The following SOS2 variants were observed in gnomAD, a reference collection of about 807,000 sequenced individuals.
SOS2 encodes the protein SOS Ras/Rho guanine nucleotide exchange factor 2, also known as son of sevenless homolog 2.
SOS2 carries 65 observed loss-of-function variants against 148.2 expected under a neutral mutation model. The observed-to-expected ratio is 0.44, with a 90% CI of 0.36 to 0.54. The LOEUF is 0.54. SOS2 is among the 20% of genes least tolerant of loss of function. SOS2 has a pLI of 0.00. For missense variants in SOS2, 1,341 were observed against 1,590.2 expected, an observed-to-expected ratio of 0.84 and a Z score of 2.67; for synonymous variants, 539 against 537.1, an observed-to-expected ratio of 1.00 and a Z score of -0.05.
intron 16 of SOS2, among the ~76,000 whole-genome samples, chr14:50,143,600 CCTGA>C (rs979474830): frequency 7.2e-5 from 11 of 151,976 alleles, no homozygotes; most frequent in Non-Finnish European, 1.2e-4. Context: ...TACCACCATG[CCTGA>C]CTAATTTTTG....
chr14:50,194,757 G>A (rs1260256739), intron 4 of SOS2, among the ~76,000 whole-genome samples: 2 of 149,880 alleles, frequency 1.3e-5, no homozygotes, highest in Non-Finnish European at 3.0e-5. Flanking sequence ...CATACTGGGT[G>A]ACAGAGCAAG....
At chr14:50,163,541 T>C (rs1322587820) in intron 8 of SOS2, among the ~76,000 whole-genome samples, 1 of 152,192 alleles carries the variant, frequency 6.6e-6, no homozygotes, top group Non-Finnish European at 1.5e-5. Context: ...ATGACTATTA[T>C]TAGAAGTAAT....
chr14:50,184,176 T>C (rs554012083), intron 5 of SOS2, among the ~76,000 whole-genome samples: 1 of 152,344 alleles, frequency 6.6e-6, no homozygotes, highest in South Asian at 2.1e-4. Flanking sequence ...ATGTGGCAGA[T>C]AGCCATATAT....
chr14:50,121,307 C>T (rs1473287585), intron 21 of SOS2, among the ~76,000 whole-genome samples: 1 of 152,110 alleles, frequency 6.6e-6, no homozygotes, highest in Non-Finnish European at 1.5e-5. Flanking sequence ...CCCATTTGAT[C>T]TCTCTATATT....
At chr14:50,219,499 T>A in intron 1 of SOS2, among the ~76,000 whole-genome samples, 1 of 152,114 alleles carries the variant, frequency 6.6e-6, no homozygotes, top group Non-Finnish European at 1.5e-5. Context: ...GAAAACAGAT[T>A]AGTGATGGCT....
At chr14:50,230,279 T>A (rs10454683) in intron 1 of SOS2, among the ~76,000 whole-genome samples, 41,073 of 152,074 alleles carry the variant, frequency 0.27, 6,320 homozygotes, top group East Asian at 0.48. Context: ...CTTGGTTATT[T>A]TGCACAAAAG....
chr14:50,220,626 C>T (rs1887176653), intron 1 of SOS2, among the ~76,000 whole-genome samples: 1 of 152,032 alleles, frequency 6.6e-6, no homozygotes, highest in Non-Finnish European at 1.5e-5. Flanking sequence ...CCCTCTCTTA[C>T]GTTTCTCTAT....
At chr14:50,146,108 G>A (rs866608993) in intron 14 of SOS2, among the ~76,000 whole-genome samples, 1 of 149,364 alleles carries the variant, frequency 6.7e-6, no homozygotes, top group Non-Finnish European at 1.5e-5. Context: ...ACTCCAGCCT[G>A]GGCAACAAGA....
intron 12 of SOS2, 100 bp downstream of exon 12, chr14:50,156,899 C>A: frequency 1.6e-6 from 1 of 610,472 alleles, no homozygotes; most frequent in South Asian, 3.3e-5. Context: ...AAGCTGAGAG[C>A]TTTTGTGTTA....
intron 16 of SOS2, among the ~76,000 whole-genome samples, chr14:50,141,598 A>T (rs991584451): frequency 6.6e-6 from 1 of 152,146 alleles, no homozygotes; most frequent in East Asian, 1.9e-4. Context: ...AACAAAAAAA[A>T]CCCCACAAAA....
chr14:50,190,465 A>G (rs1886092615), intron 4 of SOS2, among the ~76,000 whole-genome samples: 1 of 152,204 alleles, frequency 6.6e-6, no homozygotes, highest in Admixed American at 6.5e-5. Flanking sequence ...TAACTCAGAA[A>G]TATCTTATAA....
At chr14:50,210,573 A>G (rs894082988) in intron 1 of SOS2, among the ~76,000 whole-genome samples, 1 of 152,178 alleles carries the variant, frequency 6.6e-6, no homozygotes, top group Non-Finnish European at 1.5e-5. Context: ...AGGTTTCTCA[A>G]AAGACATCTT....
At chr14:50,159,255 A>G (rs1272893917) in intron 10 of SOS2, among the ~76,000 whole-genome samples, 176 bp downstream of exon 10, 6 of 152,096 alleles carry the variant, frequency 3.9e-5, no homozygotes, top group Admixed American at 2.0e-4. Context: ...TGAAGTTAAC[A>G]ATATTACATT....
At position 50,188,956 on chromosome 14, in the gene SOS2, T is replaced by C. The variant is rs1413655948; in HGVS notation, c.511-256A>G. 3.3e-5 allele frequency among the ~76,000 whole-genome samples: 5 copies of C among 151,422 alleles called. No homozygotes were observed. In the South Asian group the frequency reaches 1.0e-3, roughly 32 times the overall value. The stretch of plus-strand genomic sequence containing the variant: ...GTAGGCGCTTGTAATCCCAGCTATT[T>C]GGGAGGCTGAGGCAGGAGAATTGCT... On this transcript the variant is annotated intron_variant, in intron 4 of 22. Coordinates refer to ENST00000216373, the MANE Select transcript of SOS2 (RefSeq NM_006939.4).
intron 4 of SOS2, among the ~76,000 whole-genome samples, chr14:50,189,377 C>T (rs889922497): frequency 1.8e-5 from 2 of 113,488 alleles, no homozygotes; most frequent in Non-Finnish European, 3.6e-5. Context: ...AACAATAACC[C>T]GAGCCAAAAA....
At chr14:50,227,332 C>T (rs1406122426) in intron 1 of SOS2, among the ~76,000 whole-genome samples, 3 of 149,106 alleles carry the variant, frequency 2.0e-5, no homozygotes. Context: ...CTAACCTCTG[C>T]CTCCCATGTT....
intron 4 of SOS2, among the ~76,000 whole-genome samples, chr14:50,195,174 A>C (rs1469038387): frequency 6.6e-6 from 1 of 152,206 alleles, no homozygotes; most frequent in Non-Finnish European, 1.5e-5. Context: ...AGTCCTCGGG[A>C]GTTTAGAAAT....
intron 1 of SOS2, among the ~76,000 whole-genome samples, chr14:50,227,679 G>A (rs1370858312): frequency 3.9e-5 from 6 of 152,148 alleles, no homozygotes; most frequent in Admixed American, 3.9e-4. Context: ...TGCCCGCCTT[G>A]GCCTCCCAAA....
chr14:50,139,806 TATTA>T, intron 17 of SOS2, 132 bp downstream of exon 17: 1 of 497,376 alleles, frequency 2.0e-6, no homozygotes, highest in Non-Finnish European at 3.6e-6. Context: ...TAGAGAGTTT[TATTA>T]TTTATTAATA....
Sources: gnomAD v4.1 joint callset for allele counts (sites outside exome capture counted in the v4.1 genomes callset) on GRCh38, gnomAD v4.1.1 for gene constraint, MANE v1.5 for transcripts, NCBI Gene and HGNC (gene_info 2026-07-23, HGNC 2026-07-21) for gene names.